KIF5B: variants seen among roughly 807,000 people sequenced by gnomAD.
KIF5B encodes the protein kinesin family member 5B.
KIF5B carries 49 observed loss-of-function variants against 132.8 expected under a neutral mutation model. The ratio of observed to expected loss-of-function variants is 0.37; its 90% CI spans 0.29 to 0.47. The LOEUF (loss-of-function observed/expected upper bound fraction) is 0.47, where lower values mean the gene tolerates loss of function less well. KIF5B is among the 20% of genes least tolerant of loss of function. The probability of loss-of-function intolerance (pLI) is 1.00; values close to 1 mark genes in which losing one functional copy is unlikely to be tolerated. For synonymous variants in KIF5B, 355 were observed against 369.4 expected, an observed-to-expected ratio of 0.96 and a Z score of 0.45; for missense variants, 780 against 1,144.0, an observed-to-expected ratio of 0.68 and a Z score of 4.59.
chr10:32,015,389 T>C, intron 25 of KIF5B, 120 bp downstream of exon 25: 1 of 690,128 alleles, frequency 1.4e-6, no homozygotes. Context: ...TAAATTACTT[T>C]TATAATGCTT....
At position 32,038,818 on chromosome 10, in the gene KIF5B, A is replaced by C; in HGVS notation, c.402T>G (p.Tyr134Ter). 8 of 1,502,424 alleles carry C rather than the reference A, an allele frequency of 5.3e-6. No homozygotes were observed. Among genetic ancestry groups the C allele is most frequent in the Non-Finnish European group, 7.4e-6 (8 of 1,088,272 alleles). 93.1% of individuals were successfully genotyped at this position (1,502,424 alleles called of 1,614,324 possible). A position where few individuals can be genotyped will look rare whatever the true frequency, so the allele number is the denominator to read the frequency against. ...ENLEFHIKVS[Y>*]FEIYLDKIRD... Reference sequence around the variant, plus strand: ...TTATCTTATCCAAATATATTTCAAAATATGAAACCTAAAGGGCAAATTTAA... The same window carrying C: ...TTATCTTATCCAAATATATTTCAAACTATGAAACCTAAAGGGCAAATTTAA... The change falls in exon 5 of 26, where the codon TAT becomes TAG. Residue 134 changes from tyrosine to a stop codon, truncating the protein, a stop_gained. Transcript: ENST00000302418. LOFTEE classifies it high-confidence loss of function.
chr10:32,015,612 G>T lies in KIF5B; in HGVS notation c.2809C>A (p.Pro937Thr). 1 of 1,613,546 alleles carries T rather than the reference G, an allele frequency of 6.2e-7. No individual in the cohort carries two copies. Among genetic ancestry groups the T allele is most frequent in the South Asian group, 1.1e-5 (1 of 91,030 alleles). The change falls in exon 25 of 26, where the codon CCA (proline) becomes ACA (threonine). Residue 937 changes from proline to threonine, a missense_variant. Physicochemically the swap from Pro to Thr is conservative, Grantham distance 38 (BLOSUM62 -1). This residue lies in a region of KIF5B where 90 missense variants were observed against 101.8 expected (regional missense o/e 0.88). Transcript: ENST00000302418. Reference protein sequence around the residue: ...GQHPAASPTHPSAIRGGGAFV... With the variant: ...GQHPAASPTHTSAIRGGGAFV... ...GCACCTCCTCCACGAATTGCACTTG[G>T]GTGAGTTGGAGAAGCTGCTGGATGT...
chr10:32,026,315 G>C (rs1049407388), intron 15 of KIF5B, among the ~76,000 whole-genome samples: 3 of 151,682 alleles, frequency 2.0e-5, no homozygotes, highest in Admixed American at 1.3e-4. Flanking sequence ...GCACACGCCT[G>C]TAATCCTAGC....
In KIF5B at chr10:32,026,437, C is replaced by CAA. The variant is rs71027049; in HGVS notation, c.1725+1989_1725+1990dup. Among the ~76,000 whole-genome samples the CAA allele has an allele frequency of 3.8e-3, 184 of 48,850 alleles. 24 individuals carry two copies. Among genetic ancestry groups the CAA allele is most frequent in the African/African-American group, 6.0e-3 (79 of 13,106 alleles). The allele number at this position is 48,850 out of a possible 152,430, so 32.0% of individuals were successfully genotyped here. Reference sequence around the variant, plus strand: ...TGGGAGACACAGTGAGATTCCGTCTCAAAAAAAAAAAAAAAAAAAAAAAAG... The same window carrying CAA: ...TGGGAGACACAGTGAGATTCCGTCTCAAAAAAAAAAAAAAAAAAAAAAAAAAG... On this transcript the variant is annotated intron_variant, in intron 15 of 25. Coordinates refer to ENST00000302418, the MANE Select transcript of KIF5B (RefSeq NM_004521.3).
intron 2 of KIF5B, among the ~76,000 whole-genome samples, chr10:32,044,202 C>T (rs1841579954): frequency 6.6e-6 from 1 of 152,128 alleles, no homozygotes; most frequent in Non-Finnish European, 1.5e-5. Context: ...AAATCATCGC[C>T]AGGTGATACT....
At chr10:32,014,953 C>T (rs960606419) in intron 25 of KIF5B, among the ~76,000 whole-genome samples, 3 of 151,820 alleles carry the variant, frequency 2.0e-5, no homozygotes, top group Admixed American at 6.6e-5. Flanking sequence ...TGAAACCCCT[C>T]GTCTCTACTA....
chr10:32,010,127 C>A lies in KIF5B; in HGVS notation c.*1410G>T, dbSNP rs950540429. ...TAATTCTGCCAGCAAGATCCTAACA[C>A]AGAACTTTCCAAGTTTCTCTGCTAA... On this transcript the variant is annotated 3_prime_UTR_variant, in exon 26 of 26. Transcript: ENST00000302418. 2.0e-5 allele frequency: 3 copies of A among 152,154 alleles called. No individual in the cohort carries two copies. Among genetic ancestry groups the A allele is most frequent in the Non-Finnish European group, 4.4e-5 (3 of 68,006 alleles). The allele number at this position is 152,154 out of a possible 1,614,324, so 9.4% of individuals were successfully genotyped here.
chr10:32,043,819 G>A (rs1020181737), intron 2 of KIF5B, among the ~76,000 whole-genome samples: 4 of 151,986 alleles, frequency 2.6e-5, no homozygotes, highest in Admixed American at 6.6e-5. Flanking sequence ...TGAACTTGTC[G>A]GGGACCCAGA....
rs1357981170 is a variant in KIF5B, at chr10:32,055,863, G to C, written c.111C>G (p.Asp37Glu). Residue 37 changes from aspartate (D) to glutamate (E), a missense_variant, in exon 1 of 26, where the codon GAC (aspartate) becomes GAG (glutamate). Asp to Glu is a conservative substitution (Grantham distance 45). This residue lies in a region of KIF5B where 66 missense variants were observed against 83.4 expected (regional missense o/e 0.79). Transcript: ENST00000302418. ...DKYIAKFQGE[D>E]TVVIASKPYA... ...GGTCACTCACCGCGATCACGACCGT[G>C]TCTTCTCCCTGAAACTTGGCGATGT... 1.2e-6 allele frequency: 2 copies of C among 1,612,778 alleles called. No individual in the cohort carries two copies. Among genetic ancestry groups the C allele is most frequent in the Admixed American group, 3.3e-5 (2 of 60,020 alleles).
At position 32,017,157 on chromosome 10, in the gene KIF5B, T is replaced by G. The variant is rs200775134; in HGVS notation, c.2747A>C (p.His916Pro). ...GTTCTACTAACCAATCTGTGCAGAA[T>G]GCCCTCTTCTGGCCATATTCTTTGA... ...VRSKNMARRGHSAQIAKPIRP... is the reference protein window; with the variant it reads ...VRSKNMARRGPSAQIAKPIRP... Residue 916 changes from histidine (H) to proline (P), a missense_variant, in exon 24 of 26, where the codon CAT (histidine) becomes CCT (proline). By Grantham distance (77) the His-to-Pro change is moderately conservative. Transcript: ENST00000302418. 24 of 1,613,758 alleles carry G rather than the reference T, an allele frequency of 1.5e-5. No individual in the cohort carries two copies. The highest frequency in any genetic ancestry group is 5.0e-5 in the Admixed American group (3 of 60,012).
rs773587999 is a variant in KIF5B, at chr10:32,018,565, A to G, written c.2307-3T>C. On this transcript the variant is annotated splice_region_variant and splice_polypyrimidine_tract_variant and intron_variant, in intron 20 of 25. Transcript: ENST00000302418. ...GTTCTCGTCTATCTTGCATAACCCT[A>G]ACAGTAGAAGAACAAACATATATTT... The G allele has an allele frequency of 4.4e-6, 7 of 1,607,200 alleles. No individual in the cohort carries two copies. The East Asian group carries it at 1.1e-4, about 26-fold the overall frequency.
Position 32,032,734 on chromosome 10 carries a change from A to C in KIF5B, c.1346T>G (p.Leu449Arg). The C allele has an allele frequency of 6.2e-7, 1 of 1,613,984 alleles. No individual in the cohort carries two copies. Among genetic ancestry groups the C allele is most frequent in the Non-Finnish European group, 8.5e-7 (1 of 1,179,892 alleles). ...CTCCTGATCCAACATTTGCGTCTTC[A>C]GTTTCTCTACCAGTTGACTTTGCTG... is the stretch of plus-strand genomic sequence containing the variant. ...INQQSQLVEK[L>R]KTQMLDQEEL... The change falls in exon 13 of 26, where the codon CTG becomes CGG. Residue 449 changes from leucine to arginine, a missense_variant. Leu to Arg is a moderately radical substitution (Grantham distance 102). This residue lies in a region of KIF5B where 471 missense variants were observed against 569.9 expected (regional missense o/e 0.83). Transcript: ENST00000302418.
chr10:32,033,752 C>A, intron 12 of KIF5B, 93 bp downstream of exon 12: 1 of 741,262 alleles, frequency 1.3e-6, no homozygotes, highest in Non-Finnish European at 2.2e-6. Context: ...ATCCTAAGTG[C>A]CCACAGCACT....
At chr10:32,049,406 G>A (rs959764145) in intron 1 of KIF5B, among the ~76,000 whole-genome samples, 2 of 152,106 alleles carry the variant, frequency 1.3e-5, no homozygotes, top group African/African-American at 2.4e-5. Context: ...TGAAAAATAC[G>A]CAGCAACTAA....
At position 32,019,968 on chromosome 10, in the gene KIF5B, A is replaced by G. The variant is rs761226089; in HGVS notation, c.2205-9T>C. 6.4e-7 allele frequency: 1 copy of G among 1,557,102 alleles called. No homozygotes were observed. Among genetic ancestry groups the G allele is most frequent in the Middle Eastern group, 1.7e-4 (1 of 5,896 alleles). The stretch of plus-strand genomic sequence containing the variant: ...TCATTTTCTGGTTTTGGCTGACGAA[A>G]GAAAAAAATAATTAACACAGTATCA... On this transcript the variant is annotated splice_polypyrimidine_tract_variant and intron_variant, in intron 19 of 25. Coordinates refer to ENST00000302418, the MANE Select transcript of KIF5B (RefSeq NM_004521.3).
At chr10:32,026,518 C>CA (rs1303015280) in intron 15 of KIF5B, among the ~76,000 whole-genome samples, 1 of 107,478 alleles carries the variant, frequency 9.3e-6, no homozygotes, top group Non-Finnish European at 1.9e-5. Context: ...TTGTTAATGA[C>CA]AAAAATACTG....
At chr10:32,031,420 T>C in intron 13 of KIF5B, 141 bp from the exon 14 acceptor site, 2 of 665,502 alleles carry the variant, frequency 3.0e-6, no homozygotes, top group South Asian at 1.9e-5. Context: ...ATTAAACAGA[T>C]TTACTAAATG....
chr10:32,012,743 T>G (rs1216029238), intron 25 of KIF5B, among the ~76,000 whole-genome samples: 1 of 152,126 alleles, frequency 6.6e-6, no homozygotes, highest in Non-Finnish European at 1.5e-5. Flanking sequence ...AGTTTAAAGT[T>G]GACATATGAA....
Position 32,031,162 on chromosome 10 carries a change from G to C in KIF5B, c.1492C>G (p.Leu498Val). The C allele has an allele frequency of 6.2e-7, 1 of 1,613,912 alleles. No homozygotes were observed. Among genetic ancestry groups the C allele is most frequent in the Non-Finnish European group, 8.5e-7 (1 of 1,179,916 alleles). ...VKEVLQALEE[L>V]AVNYDQKSQE... ...GACTTCTGATCATAATTGACAGCAAGTTCTTCTAGGGCCTGTAAAACTTCT... is the reference window on the plus strand; with the variant it reads ...GACTTCTGATCATAATTGACAGCAACTTCTTCTAGGGCCTGTAAAACTTCT... Residue 498 changes from leucine (L) to valine (V), a missense_variant, in exon 14 of 26, where the codon CTT becomes GTT. Physicochemically the swap from Leu to Val is conservative, Grantham distance 32. Around this residue, in one of 9 missense-constraint regions of KIF5B, gnomAD observed 471 missense variants for 569.9 expected, o/e 0.83. Transcript: ENST00000302418.
Sources: allele counts gnomAD v4.1 joint callset (sites outside exome capture counted in the v4.1 genomes callset), GRCh38; gene constraint gnomAD v4.1.1; regional missense constraint gnomAD v4.1.1; transcripts MANE v1.5; gene names NCBI Gene and HGNC (gene_info 2026-07-23, HGNC 2026-07-21).